CCNK: variants seen among roughly 807,000 people sequenced by gnomAD.
CCNK encodes cyclin K.
Under a neutral mutation model 65.0 loss-of-function variants are expected in CCNK, and 9 were observed. The ratio of observed to expected loss-of-function variants is 0.14; its 90% CI spans 0.08 to 0.24. The LOEUF (loss-of-function observed/expected upper bound fraction) is 0.24. Among genes scored for constraint, CCNK ranks in the 10% least tolerant of loss-of-function variants. The pLI is 1.00. For synonymous variants in CCNK, 279 were observed against 270.8 expected (o/e 1.03, Z -0.30); for missense variants, 474 against 720.0 (o/e 0.66, Z 3.91).
At chr14:99,490,889 C>T (rs1315241048) in intron 1 of CCNK, among the ~76,000 whole-genome samples, 1 of 149,958 alleles carries the variant, frequency 6.7e-6, no homozygotes, top group Admixed American at 6.7e-5. Context: ...GATCATGCCA[C>T]TGGCACTCCA....
Position 99,503,367 on chromosome 14 carries a change from A to G in CCNK, c.1012-244A>G, listed in dbSNP as rs1000541714. 8.1e-5 allele frequency: 49 copies of G among 602,842 alleles called. No individual in the cohort carries two copies. The East Asian group carries it at 9.4e-4, about 12-fold the overall frequency. 37.3% of individuals were successfully genotyped at this position (602,842 alleles called of 1,614,324 possible). ...TGGTCCTGAAACTTAGTGTTTACTC[A>G]GAACTCACCATTCAGGAAAGCTAGT... is the stretch of plus-strand genomic sequence containing the variant. On this transcript the variant is annotated intron_variant, in intron 8 of 10. Transcript: ENST00000389879.
intron 4 of CCNK, among the ~76,000 whole-genome samples, chr14:99,496,589 A>G (rs1292085075): frequency 1.3e-5 from 2 of 152,112 alleles, no homozygotes; most frequent in Non-Finnish European, 2.9e-5. Flanking sequence ...GGGTGCCTGT[A>G]GTCCCAGCTA....
chr14:99,498,928 C>T (rs1896759832), intron 4 of CCNK, among the ~76,000 whole-genome samples: 1 of 152,182 alleles, frequency 6.6e-6, no homozygotes, highest in Non-Finnish European at 1.5e-5. Flanking sequence ...ATGTGGGCTA[C>T]AGCCTGCAAG....
chr14:99,482,118 G>C (rs146058502), intron 1 of CCNK, among the ~76,000 whole-genome samples: 5 of 152,202 alleles, frequency 3.3e-5, no homozygotes, highest in African/African-American at 1.2e-4. Context: ...CTAAACGATT[G>C]TCTGCCCAAG....
intron 10 of CCNK, chr14:99,509,599 A>C (rs1187553023): frequency 6.2e-6 from 1 of 160,514 alleles, no homozygotes; most frequent in Non-Finnish European, 1.4e-5. Context: ...GCTATCTGAG[A>C]GCACACAGTG....
intron 1 of CCNK, among the ~76,000 whole-genome samples, chr14:99,488,576 A>G (rs1418735454): frequency 2.6e-5 from 4 of 152,242 alleles, no homozygotes; most frequent in African/African-American, 9.6e-5. Flanking sequence ...CTACATAGGT[A>G]GGTGATATTT....
At chr14:99,492,975 C>A in intron 2 of CCNK, 101 bp downstream of exon 2, 1 of 957,490 alleles carries the variant, frequency 1.0e-6, no homozygotes, top group Non-Finnish European at 1.5e-6. Context: ...TTTCTCTGTA[C>A]CAGAGCAGTT....
intron 1 of CCNK, among the ~76,000 whole-genome samples, chr14:99,491,367 C>G (rs1896594401): frequency 1.3e-5 from 2 of 152,152 alleles, no homozygotes; most frequent in African/African-American, 4.8e-5. Flanking sequence ...CTTATAAGAT[C>G]ACCTGCTTCT....
At chr14:99,481,598 C>T (rs1034593830) in intron 1 of CCNK, 119 bp downstream of exon 1, 2 of 395,364 alleles carry the variant, frequency 5.1e-6, no homozygotes, top group Non-Finnish European at 8.9e-6. Flanking sequence ...GATTCTGCCT[C>T]CCTCCGCTAA....
rs1271572362 is a variant in CCNK at position 99,511,241 on chromosome 14, G to A, written c.*459G>A. ...TTCTCTCCCATGACACCCAGAAGGG[G>A]CAGAAGAACCACATTTTTCATTTAT... is the stretch of plus-strand genomic sequence containing the variant. On this transcript the variant is annotated 3_prime_UTR_variant, in exon 11 of 11. Coordinates refer to ENST00000389879, the MANE Select transcript of CCNK (RefSeq NM_001099402.2). 1 of 152,816 alleles carries A rather than the reference G, an allele frequency of 6.5e-6. No homozygotes were observed. Among genetic ancestry groups the A allele is most frequent in the Non-Finnish European group, 1.5e-5 (1 of 68,508 alleles). The allele number at this position is 152,816 out of a possible 1,614,324, so 9.5% of individuals were successfully genotyped here.
intron 2 of CCNK, among the ~76,000 whole-genome samples, chr14:99,493,312 T>C (rs1271553220): frequency 6.6e-6 from 1 of 152,044 alleles, no homozygotes; most frequent in Non-Finnish European, 1.5e-5. Context: ...TTCTAAAGGG[T>C]GTTAAAAGTA....
At chr14:99,503,947 CTATT>C (rs1653447248) in intron 9 of CCNK, 1 of 396,330 alleles carries the variant, frequency 2.5e-6, no homozygotes, top group African/African-American at 2.1e-5. Flanking sequence ...TTTTTAGAGA[CTATT>C]TACCCCCATC....
At chr14:99,483,208 G>T (rs965453395) in intron 1 of CCNK, among the ~76,000 whole-genome samples, 3 of 152,088 alleles carry the variant, frequency 2.0e-5, no homozygotes, top group Non-Finnish European at 4.4e-5. Flanking sequence ...ATGAGTACTT[G>T]GGAAAGGAGA....
Position 99,507,089 on chromosome 14 carries a change from TA to T in CCNK, c.1063del (p.Ile355SerfsTer28). On this transcript the variant is annotated frameshift_variant, in exon 10 of 11. Coordinates refer to ENST00000389879, the MANE Select transcript of CCNK (RefSeq NM_001099402.2). LOFTEE classifies it high-confidence loss of function. ...TTTTCTTTGTAGAACCACCACCACC[TA>T]AAATCCCCAAAATTGAGACCACTCA... ...ENKAAEPPPP[K>X]IPKIETTHPP... is the part of the protein sequence containing the mutation. 2 of 1,609,504 alleles carry T rather than the reference TA, an allele frequency of 1.2e-6. No homozygotes were observed. The highest frequency in any genetic ancestry group is 1.7e-6 in the Non-Finnish European group (2 of 1,175,862).
Position 99,512,120 on chromosome 14 carries a change from C to T in CCNK, c.*1338C>T, listed in dbSNP as rs2139890814. On this transcript the variant is annotated 3_prime_UTR_variant, in exon 11 of 11. Coordinates refer to ENST00000389879, the MANE Select transcript of CCNK (RefSeq NM_001099402.2). ...TGTTACTCCTTTTACTAAAATAGTTCAAATCAATGTTTTTACCACACTATC... is the reference window on the plus strand; with the variant it reads ...TGTTACTCCTTTTACTAAAATAGTTTAAATCAATGTTTTTACCACACTATC... 1 of 152,320 alleles carries T rather than the reference C, an allele frequency of 6.6e-6. No homozygotes were observed. Among genetic ancestry groups the T allele is most frequent in the African/African-American group, 2.4e-5 (1 of 41,568 alleles). 9.4% of individuals were successfully genotyped at this position (152,320 alleles called of 1,614,324 possible). A position where few individuals can be genotyped will look rare whatever the true frequency, so the allele number is the denominator to read the frequency against.
intron 1 of CCNK, among the ~76,000 whole-genome samples, chr14:99,490,539 A>C (rs1896575841): frequency 2.0e-5 from 3 of 152,222 alleles, no homozygotes; most frequent in African/African-American, 7.2e-5. Flanking sequence ...ATAAAAAGAT[A>C]TATACATAGA....
intron 1 of CCNK, among the ~76,000 whole-genome samples, chr14:99,482,299 T>A (rs1896359816): frequency 6.6e-6 from 1 of 152,258 alleles, no homozygotes. Flanking sequence ...TGTTTACAGA[T>A]ACCTAGCACA....
intron 1 of CCNK, among the ~76,000 whole-genome samples, chr14:99,487,335 A>G (rs3918048): frequency 0.037 from 5,599 of 152,252 alleles, 181 homozygotes; most frequent in African/African-American, 0.084. Flanking sequence ...TGGACCAGAT[A>G]ATTTCTTGTC....
At chr14:99,487,089 A>G (rs1896504551) in intron 1 of CCNK, among the ~76,000 whole-genome samples, 1 of 152,222 alleles carries the variant, frequency 6.6e-6, no homozygotes, top group Admixed American at 6.5e-5. Flanking sequence ...TAAAGTAGCA[A>G]TTCCCAACTG....
Sources: gnomAD v4.1 joint callset for allele counts (sites outside exome capture counted in the v4.1 genomes callset) on GRCh38, gnomAD v4.1.1 for gene constraint, MANE v1.5 for transcripts, NCBI Gene and HGNC (gene_info 2026-07-23, HGNC 2026-07-21) for gene names.